Variants in IQGAP1 observed in about 807,000 individuals in gnomAD.
IQGAP1 encodes IQ motif containing GTPase activating protein 1, also known as ras GTPase-activating-like protein IQGAP1.
Under a neutral mutation model 215.6 loss-of-function variants are expected in IQGAP1, and 66 were observed. That is an observed-to-expected ratio of 0.31 (90% CI 0.25 to 0.38). The LOEUF is 0.38. Among genes scored for constraint, IQGAP1 ranks in the 10% least tolerant of loss-of-function variants. The pLI is 1.00. For synonymous variants in IQGAP1, 772 were observed against 728.7 expected (o/e 1.06, Z -0.96); for missense variants, 1,712 against 1,997.1 (o/e 0.86, Z 2.72).
chr15:90,410,294 T>C (rs975817123), intron 2 of IQGAP1, among the ~76,000 whole-genome samples: 3 of 152,208 alleles, frequency 2.0e-5, no homozygotes, highest in South Asian at 4.1e-4. Context: ...CTCAAGGATC[T>C]AGAACTAGAA....
chr15:90,482,238 T>C lies in IQGAP1; in HGVS notation c.3512T>C (p.Leu1171Ser). 1 of 1,614,206 alleles carries C rather than the reference T, an allele frequency of 6.2e-7. No individual in the cohort carries two copies. The highest frequency in any genetic ancestry group is 8.5e-7 in the Non-Finnish European group (1 of 1,180,022). The part of the protein sequence containing the change: ...RFIAKVLKDS[L>S]HEKFPDAGED... The stretch of plus-strand genomic sequence containing the variant: ...ATTGCCAAAGTGCTGAAGGACTCGT[T>C]GCATGAGAAGTTCCCTGATGCTGGT... Residue 1171 changes from leucine to serine, a missense_variant, in exon 28 of 38, where the codon TTG becomes TCG. Leu to Ser is a moderately radical substitution (Grantham distance 145). This residue lies in a region of IQGAP1 where 691 missense variants were observed against 923.0 expected (regional missense o/e 0.75). Coordinates refer to ENST00000268182, the MANE Select transcript of IQGAP1 (RefSeq NM_003870.4).
At chr15:90,453,969 G>A (rs1007350777) in intron 13 of IQGAP1, among the ~76,000 whole-genome samples, 23 of 152,152 alleles carry the variant, frequency 1.5e-4, no homozygotes, top group African/African-American at 4.3e-4. Context: ...CTTCCATTGC[G>A]TATTTACGCT....
intron 14 of IQGAP1, among the ~76,000 whole-genome samples, chr15:90,454,885 C>G (rs569055429): frequency 2.6e-5 from 4 of 152,362 alleles, no homozygotes; most frequent in Admixed American, 2.0e-4. Context: ...ACTCCTCTCA[C>G]TTCAGACACA....
intron 34 of IQGAP1, 200 bp downstream of exon 34, chr15:90,491,745 G>A (rs1281690303): frequency 1.9e-5 from 11 of 565,570 alleles, no homozygotes; most frequent in African/African-American, 3.7e-5. Context: ...AATTACTAGG[G>A]AGAGGACCTT....
At chr15:90,438,123 T>C (rs968960599) in intron 5 of IQGAP1, among the ~76,000 whole-genome samples, 2 of 152,234 alleles carry the variant, frequency 1.3e-5, no homozygotes, top group Non-Finnish European at 2.9e-5. Context: ...TTAGATGATA[T>C]TGAGGTTTAT....
At chr15:90,467,634 T>C in intron 18 of IQGAP1, 42 bp downstream of exon 18, 2 of 1,568,160 alleles carry the variant, frequency 1.3e-6, no homozygotes, top group Non-Finnish European at 1.7e-6. Context: ...TGAGAGAAAG[T>C]GTTTTCAAGC....
intron 11 of IQGAP1, among the ~76,000 whole-genome samples, chr15:90,452,078 T>G (rs553925612): frequency 6.6e-6 from 1 of 152,308 alleles, no homozygotes; most frequent in East Asian, 1.9e-4. Context: ...TCCACCTGCC[T>G]TGGCCTCCCA....
chr15:90,458,391 A>G (rs977463220), intron 15 of IQGAP1, among the ~76,000 whole-genome samples: 5 of 152,344 alleles, frequency 3.3e-5, no homozygotes, highest in African/African-American at 4.8e-5. Flanking sequence ...TGACAGCTAT[A>G]TAAGTTGTAT....
chr15:90,454,654 G>A lies in IQGAP1; in HGVS notation c.1612+102G>A, dbSNP rs148083914. ...TACTCCTAGAAGGATTTTTGGGTGA[G>A]AGATTGAAAATATCTATATAACACA... On this transcript the variant is annotated intron_variant, in intron 14 of 37. Transcript: ENST00000268182. 4.1e-5 allele frequency: 53 copies of A among 1,292,946 alleles called. No homozygotes were observed. In the African/African-American group the frequency reaches 7.3e-4, roughly 18 times the overall value. 80.1% of individuals were successfully genotyped at this position (1,292,946 alleles called of 1,614,324 possible).
intron 2 of IQGAP1, among the ~76,000 whole-genome samples, chr15:90,398,076 G>C (rs1486723882): frequency 1.3e-5 from 2 of 151,114 alleles, no homozygotes; most frequent in East Asian, 3.9e-4. Flanking sequence ...GTGGAGACGG[G>C]GGTTTCACCA....
In IQGAP1 at chr15:90,497,699, A is replaced by G. The variant is rs200850385; in HGVS notation, c.4860+359A>G. On this transcript the variant is annotated intron_variant, in intron 37 of 37. Coordinates refer to ENST00000268182, the MANE Select transcript of IQGAP1 (RefSeq NM_003870.4). ...AATCTTTTTGTCATTTTGATTTGAT[A>G]TAGGTACTTAAAAGTTAGATACATT... Among the ~76,000 whole-genome samples the G allele has an allele frequency of 4.6e-5, 7 of 152,344 alleles. No homozygotes were observed. The East Asian group carries it at 9.6e-4, about 21-fold the overall frequency.
Position 90,466,277 on chromosome 15 carries a change from G to C in IQGAP1, c.1876G>C (p.Gly626Arg). 1.2e-6 allele frequency: 2 copies of C among 1,614,114 alleles called. No individual in the cohort carries two copies. Among genetic ancestry groups the C allele is most frequent in the Non-Finnish European group, 1.7e-6 (2 of 1,179,988 alleles). ...DTQEAQKFAL[G>R]IFAINEAVES... is the part of the protein sequence containing the mutation. Reference sequence around the variant, plus strand: ...GTTCTTTCCCGAAATAGTTGCCTTAGGAATCTTTGCCATTAATGAGGCAGT... The same window carrying C: ...GTTCTTTCCCGAAATAGTTGCCTTACGAATCTTTGCCATTAATGAGGCAGT... Residue 626 changes from glycine to arginine, a missense_variant, in exon 17 of 38, where the codon GGA becomes CGA. Transcript: ENST00000268182.
At chr15:90,477,944 T>C in intron 26 of IQGAP1, 55 bp downstream of exon 26, 1 of 1,108,176 alleles carries the variant, frequency 9.0e-7, no homozygotes, top group Non-Finnish European at 1.4e-6. Flanking sequence ...TTTCCCTCTT[T>C]TTTCCCCTCT....
Position 90,399,552 on chromosome 15 carries a change from A to G in IQGAP1, c.155+8679A>G, listed in dbSNP as rs140125929. On this transcript the variant is annotated intron_variant, in intron 2 of 37. Transcript: ENST00000268182. ...TTTGTTTTCTTCATTGTAGTTTTAA[A>G]TTTTATTGAGTTTAAATGTCAGTCT... Among the ~76,000 whole-genome samples, 327 of 152,254 alleles carry G rather than the reference A, an allele frequency of 2.1e-3. 1 individual carries two copies. Among genetic ancestry groups the G allele is most frequent in the African/African-American group, 7.6e-3 (315 of 41,562 alleles).
At chr15:90,488,299 A>C (rs1035144248) in intron 33 of IQGAP1, among the ~76,000 whole-genome samples, 4 of 151,992 alleles carry the variant, frequency 2.6e-5, no homozygotes, top group African/African-American at 9.7e-5. Flanking sequence ...ACGTTCTCCC[A>C]TATACTTTAA....
At position 90,487,036 on chromosome 15, in the gene IQGAP1, C is replaced by A. The variant is rs368968167; in HGVS notation, c.4107C>A (p.Phe1369Leu). ...TGTCTCTCACCCTGACCAACAAGTT[C>A]GACGTGCCTGGAGATGAGAATGCAG... The part of the protein sequence containing the change: ...TEVSLTLTNK[F>L]DVPGDENAEM... The change falls in exon 32 of 38, where the codon TTC becomes TTA. Residue 1369 changes from phenylalanine to leucine, a missense_variant. Phe to Leu is a conservative substitution (Grantham distance 22). Around this residue, in one of 2 missense-constraint regions of IQGAP1, gnomAD observed 691 missense variants for 923.0 expected, o/e 0.75. Transcript: ENST00000268182. 4.3e-6 allele frequency: 7 copies of A among 1,614,034 alleles called. No homozygotes were observed. The highest frequency in any genetic ancestry group is 3.3e-5 in the South Asian group (3 of 91,078).
rs757080084 is a variant in IQGAP1, at chr15:90,415,220, A to G, written c.156-10890A>G. Among the ~76,000 whole-genome samples, 139 of 152,272 alleles carry G rather than the reference A, an allele frequency of 9.1e-4. 1 individual carries two copies. The highest frequency in any genetic ancestry group is 4.5e-3 in the Admixed American group (69 of 15,298). ...CTTATAAATTACTGGCTATATGTATATTTTATGAATTTTTAAATTTGTGTT... is the reference window on the plus strand; with the variant it reads ...CTTATAAATTACTGGCTATATGTATGTTTTATGAATTTTTAAATTTGTGTT... On this transcript the variant is annotated intron_variant, in intron 2 of 37. Coordinates refer to ENST00000268182, the MANE Select transcript of IQGAP1 (RefSeq NM_003870.4).
chr15:90,500,129 C>A lies in IQGAP1; in HGVS notation c.*21C>A. ...AGTAATTGATCGTTTGCTGCCAGCC[C>A]AGAAGGATGAAGGAAAGAAGCACCT... On this transcript the variant is annotated 3_prime_UTR_variant, in exon 38 of 38. Coordinates refer to ENST00000268182, the MANE Select transcript of IQGAP1 (RefSeq NM_003870.4). The A allele has an allele frequency of 7.2e-7, 1 of 1,386,038 alleles. No homozygotes were observed. The highest frequency in any genetic ancestry group is 1.0e-6 in the Non-Finnish European group (1 of 972,784). 85.9% of individuals were successfully genotyped at this position (1,386,038 alleles called of 1,614,324 possible). A position where few individuals can be genotyped will look rare whatever the true frequency, so the allele number is the denominator to read the frequency against.
At chr15:90,442,483 C>T (rs1189485709) in intron 8 of IQGAP1, among the ~76,000 whole-genome samples, 1 of 152,106 alleles carries the variant, frequency 6.6e-6, no homozygotes, top group East Asian at 1.9e-4. Flanking sequence ...TTTATCCACC[C>T]CTTGTTAAAA....
Sources: gnomAD v4.1 joint callset for allele counts (sites outside exome capture counted in the v4.1 genomes callset) on GRCh38, gnomAD v4.1.1 for gene constraint, gnomAD v4.1.1 regional missense constraint, MANE v1.5 for transcripts, NCBI Gene and HGNC (gene_info 2026-07-23, HGNC 2026-07-21) for gene names.